BBOF1: variants seen among roughly 807,000 people sequenced by gnomAD.
BBOF1 encodes the protein basal body-orientation factor 1.
BBOF1 carries 62 observed loss-of-function variants against 68.0 expected under a neutral mutation model. That is an observed-to-expected ratio of 0.91 (90% CI 0.74 to 1.13). The LOEUF is 1.13. Among genes scored for constraint, BBOF1 ranks in the 50% most tolerant of loss-of-function variants. The pLI, the probability that BBOF1 is intolerant of heterozygous loss-of-function variation, is 0.00. For missense variants in BBOF1, 534 were observed against 600.1 expected (o/e 0.89, Z 1.15); for synonymous variants, 208 against 198.8 (o/e 1.05, Z -0.39).
chr14:74,072,222 T>C (rs2060560101), intron 9 of BBOF1: 1 of 1,614,114 alleles, frequency 6.2e-7, no homozygotes, highest in Non-Finnish European at 8.5e-7. Flanking sequence ...TTTAATAAGT[T>C]GTTGATAGCG....
intron 9 of BBOF1, chr14:74,072,331 C>T: frequency 1.2e-6 from 2 of 1,614,182 alleles, no homozygotes; most frequent in African/African-American, 2.7e-5. Flanking sequence ...GCCTTGGTGG[C>T]CTGAGGGACC....
At chr14:74,049,666 G>GAA in intron 7 of BBOF1, 36 bp from the exon 8 acceptor site, 3 of 1,413,974 alleles carry the variant, frequency 2.1e-6, no homozygotes, top group African/African-American at 1.5e-5. Flanking sequence ...CATCTCAAAA[G>GAA]AAAAAAAAAA....
At position 74,049,955 on chromosome 14, in the gene BBOF1, C is replaced by T. The variant is rs1246270199; in HGVS notation, c.1046C>T (p.Ala349Val). 2 of 1,614,088 alleles carry T rather than the reference C, an allele frequency of 1.2e-6. No homozygotes were observed. Among genetic ancestry groups the T allele is most frequent in the South Asian group, 2.2e-5 (2 of 91,068 alleles). The change falls in exon 8 of 12, where the codon GCC (alanine) becomes GTC (valine). Residue 349 changes from alanine to valine, a missense_variant. Physicochemically the swap from Ala to Val is moderately conservative, Grantham distance 64. Transcript: ENST00000394009. ...DREMNRVKKL[A>V]KNILDERTEV... ...GAAATGAATCGTGTGAAGAAGCTGGCCAAGAACATACTGGATGAGAGAACA... is the reference window on the plus strand; with the variant it reads ...GAAATGAATCGTGTGAAGAAGCTGGTCAAGAACATACTGGATGAGAGAACA...
At chr14:74,068,697 C>T (rs890326721), downstream of BBOF1, among the ~76,000 whole-genome samples, 26 of 152,030 alleles carry the variant, frequency 1.7e-4, no homozygotes, top group African/African-American at 6.0e-4. Flanking sequence ...GAGCCGAGAT[C>T]ATGCCACTGC....
intron 10 of BBOF1, among the ~76,000 whole-genome samples, chr14:74,079,722 G>A (rs926507773): frequency 2.0e-5 from 3 of 152,112 alleles, no homozygotes; most frequent in Admixed American, 6.6e-5. Context: ...GTGAGCCACT[G>A]CGCCTGGCCT....
In BBOF1 at chr14:74,065,593, C is replaced by T; in HGVS notation, c.*894C>T. 1.9e-6 allele frequency: 1 copy of T among 530,084 alleles called. No individual in the cohort carries two copies. Among genetic ancestry groups the T allele is most frequent in the Non-Finnish European group, 3.4e-6 (1 of 295,210 alleles). 32.8% of individuals were successfully genotyped at this position (530,084 alleles called of 1,614,324 possible). ...GGAATTCCTATCAACAATAACCACA[C>T]TTCCTTTAAGGGACTGTATCTTTAG... On this transcript the variant is annotated 3_prime_UTR_variant, in exon 12 of 12. Coordinates refer to ENST00000394009, the MANE Select transcript of BBOF1 (RefSeq NM_025057.3).
chr14:74,030,526 C>T (rs1439068735), intron 3 of BBOF1, among the ~76,000 whole-genome samples: 1 of 151,280 alleles, frequency 6.6e-6, no homozygotes, highest in Non-Finnish European at 1.5e-5. Flanking sequence ...GATGGAGTCT[C>T]GCTCTGTCGC....
At chr14:74,053,978 C>T (rs1421030593) in intron 8 of BBOF1, among the ~76,000 whole-genome samples, 3 of 151,530 alleles carry the variant, frequency 2.0e-5, no homozygotes, top group Non-Finnish European at 4.4e-5. Context: ...GGGTTCAAGC[C>T]ATTCTCCTGC....
At chr14:74,067,244 A>G (rs2060481364), downstream of BBOF1, 2 of 1,075,494 alleles carry the variant, frequency 1.9e-6, no homozygotes, top group South Asian at 1.3e-5. Flanking sequence ...ATGACTCCAA[A>G]TGACAAGTAC....
chr14:74,080,013 G>A (rs1055892074), intron 10 of BBOF1, among the ~76,000 whole-genome samples: 2 of 152,058 alleles, frequency 1.3e-5, no homozygotes, highest in African/African-American at 4.8e-5. Context: ...ACTCCAGCCT[G>A]GGTGACAGAG....
intron 7 of BBOF1, among the ~76,000 whole-genome samples, 199 bp from the exon 8 acceptor site, chr14:74,049,494 TCTACTAAAA>T (rs1179240129): frequency 6.6e-6 from 1 of 151,984 alleles, no homozygotes; most frequent in Non-Finnish European, 1.5e-5. Flanking sequence ...AAACCCTGTC[TCTACTAAAA>T]TTGCAAAAAT....
intron 5 of BBOF1, among the ~76,000 whole-genome samples, chr14:74,044,784 G>C (rs936474125): frequency 6.6e-6 from 1 of 152,140 alleles, no homozygotes; most frequent in Non-Finnish European, 1.5e-5. Flanking sequence ...AATTAGCTGG[G>C]CATGATGGTA....
At chr14:74,066,772 C>T (rs372922568), downstream of BBOF1, 7 of 1,613,932 alleles carry the variant, frequency 4.3e-6, no homozygotes, top group South Asian at 3.3e-5. Context: ...TTTAATTTTT[C>T]GTCCATCAAG....
intron 4 of BBOF1, among the ~76,000 whole-genome samples, chr14:74,035,705 T>G (rs961311871): frequency 2.7e-5 from 4 of 150,694 alleles, no homozygotes; most frequent in Admixed American, 6.6e-5. Context: ...AGTGCTTGGA[T>G]TATAGGCGTG....
At chr14:74,030,609 C>A (rs1479938017) in intron 3 of BBOF1, among the ~76,000 whole-genome samples, 8 of 151,966 alleles carry the variant, frequency 5.3e-5, no homozygotes, top group African/African-American at 1.9e-4. Context: ...CATTCTCCTG[C>A]CTCAGCCTCT....
rs527414355 is a variant in BBOF1, at chr14:74,062,895, A to G, written c.1579-1793A>G. On this transcript the variant is annotated intron_variant, in intron 11 of 11. Transcript: ENST00000394009. ...AAGGTTTCAAAATGGCTCTAGTCCT[A>G]TGACTAGAAAGAACTTCCCCTAGCC... Among the ~76,000 whole-genome samples, 5 of 152,338 alleles carry G rather than the reference A, an allele frequency of 3.3e-5. No homozygotes were observed. The South Asian group carries it at 6.2e-4, about 19-fold the overall frequency.
chr14:74,057,037 G>A (rs2139693638), intron 10 of BBOF1, 57 bp downstream of exon 10: 1 of 1,586,008 alleles, frequency 6.3e-7, no homozygotes, highest in Non-Finnish European at 8.6e-7. Context: ...GTTCTTGTGG[G>A]CATCTTGAAT....
chr14:74,020,670 AT>A (rs1438316569), intron 1 of BBOF1, among the ~76,000 whole-genome samples: 1 of 151,918 alleles, frequency 6.6e-6, no homozygotes, highest in Non-Finnish European at 1.5e-5. Context: ...CGCCCAGCTA[AT>A]TTTTTTATTT....
intron 5 of BBOF1, among the ~76,000 whole-genome samples, chr14:74,043,584 A>AC (rs1566806148): frequency 1.4e-5 from 2 of 143,046 alleles, no homozygotes; most frequent in Non-Finnish European, 1.5e-5. Flanking sequence ...AAAAAAAAAA[A>AC]GACAGAGTCT....
Sources: allele counts gnomAD v4.1 joint callset (sites outside exome capture counted in the v4.1 genomes callset), GRCh38; gene constraint gnomAD v4.1.1; transcripts MANE v1.5; gene names NCBI Gene and HGNC (gene_info 2026-07-23, HGNC 2026-07-21).